Variants in RBFOX1 observed in about 807,000 individuals in gnomAD.
RBFOX1 encodes the protein RNA binding protein fox-1 homolog 1.
Under a neutral mutation model 57.7 loss-of-function variants are expected in RBFOX1, and 8 were observed. The observed-to-expected ratio is 0.14, with a 90% confidence interval of 0.08 to 0.25. The LOEUF (loss-of-function observed/expected upper bound fraction) is 0.25, where lower values mean the gene tolerates loss of function less well. RBFOX1 is among the 10% of genes least tolerant of loss of function. The pLI is 1.00. For synonymous variants in RBFOX1, 326 were observed against 222.4 expected (o/e 1.47, Z -4.15); for missense variants, 611 against 548.5 (o/e 1.11, Z -1.14).
At chr16:7,129,093 A>G (rs909172316) in intron 4 of RBFOX1, among the ~76,000 whole-genome samples, 1 of 152,110 alleles carries the variant, frequency 6.6e-6, no homozygotes, top group Non-Finnish European at 1.5e-5. Context: ...TGCTGGGATT[A>G]CAGGTGTGAG....
intron 10 of RBFOX1, among the ~76,000 whole-genome samples, chr16:7,617,749 G>C (rs1186348486): frequency 1.3e-5 from 2 of 152,154 alleles, no homozygotes; most frequent in African/African-American, 4.8e-5. Context: ...TTTCCCTCTA[G>C]AAGTCAACAG....
chr16:6,657,030 GTCCTCCCCTTTCCTCTCCTC>G (rs2098661920), intron 3 of RBFOX1, among the ~76,000 whole-genome samples: 52 of 21,930 alleles, frequency 2.4e-3, no homozygotes, highest in South Asian at 8.4e-3. Flanking sequence ...TTCCTCTCCT[GTCCTCCCCTTTCCTCTCCTC>G]TCCTCCCCTT....
chr16:7,533,955 C>G (rs1335663509), intron 5 of RBFOX1, among the ~76,000 whole-genome samples: 1 of 152,046 alleles, frequency 6.6e-6, no homozygotes, highest in East Asian at 1.9e-4. Context: ...GCGATGTTAC[C>G]TCATTTTAAA....
intron 4 of RBFOX1, among the ~76,000 whole-genome samples, chr16:5,885,912 C>T (rs981691842): frequency 1.1e-4 from 16 of 152,008 alleles, no homozygotes; most frequent in African/African-American, 3.6e-4. Context: ...TTGTAATCCT[C>T]GATGCTGGAG....
chr16:7,560,674 C>T (rs968117055), intron 5 of RBFOX1, among the ~76,000 whole-genome samples: 6 of 152,026 alleles, frequency 3.9e-5, no homozygotes, highest in African/African-American at 1.4e-4. Flanking sequence ...TCAGAAAGGG[C>T]GAGTGACTTT....
At chr16:7,667,292 A>C (rs2069668912) in intron 13 of RBFOX1, among the ~76,000 whole-genome samples, 1 of 152,234 alleles carries the variant, frequency 6.6e-6, no homozygotes, top group Admixed American at 6.5e-5. Flanking sequence ...GCCACTGCCC[A>C]GCTCAGCAGC....
At chr16:7,264,540 A>G (rs2095055314) in intron 4 of RBFOX1, among the ~76,000 whole-genome samples, 1 of 152,202 alleles carries the variant, frequency 6.6e-6, no homozygotes, top group Non-Finnish European at 1.5e-5. Flanking sequence ...TGCCACAAGT[A>G]TTGAAATCTG....
intron 5 of RBFOX1, among the ~76,000 whole-genome samples, chr16:7,558,521 CAT>C (rs752287222): frequency 2.0e-5 from 3 of 151,898 alleles, no homozygotes; most frequent in East Asian, 3.9e-4. Context: ...ACATATACAA[CAT>C]ATATTAATAT....
rs372470668 is a variant in RBFOX1 at position 5,707,781 on chromosome 16, A to G, written c.318+108820A>G. ...GATTAGGAAAACCTGTGTAAAGGACATGGTGGAATACTTGCTGCTAAGACA... is the reference window on the plus strand; with the variant it reads ...GATTAGGAAAACCTGTGTAAAGGACGTGGTGGAATACTTGCTGCTAAGACA... On this transcript the variant is annotated intron_variant, in intron 3 of 19. Coordinates refer to the RBFOX1 transcript ENST00000641259. Among the ~76,000 whole-genome samples the G allele has an allele frequency of 6.6e-5, 10 of 152,322 alleles. No homozygotes were observed. The South Asian group carries it at 1.0e-3, about 16-fold the overall frequency.
intron 2 of RBFOX1, among the ~76,000 whole-genome samples, chr16:6,569,918 A>G (rs558650762): frequency 6.6e-6 from 1 of 152,330 alleles, no homozygotes; most frequent in South Asian, 2.1e-4. Flanking sequence ...TAAGTACTGT[A>G]CAATTCACTT....
chr16:7,442,519 G>T (rs556626920), intron 4 of RBFOX1, among the ~76,000 whole-genome samples: 2 of 152,214 alleles, frequency 1.3e-5, no homozygotes, highest in South Asian at 4.2e-4. Flanking sequence ...AAATGAGGAG[G>T]CCGCAAACTG....
intron 3 of RBFOX1, among the ~76,000 whole-genome samples, chr16:6,782,243 G>A (rs1305452541): frequency 6.6e-6 from 1 of 152,078 alleles, no homozygotes; most frequent in Non-Finnish European, 1.5e-5. Flanking sequence ...TTGACCTCGT[G>A]GTCTGCCCAC....
chr16:5,483,666 C>T (rs1200822166), intron 2 of RBFOX1, among the ~76,000 whole-genome samples: 1 of 152,288 alleles, frequency 6.6e-6, no homozygotes, highest in East Asian at 1.9e-4. Flanking sequence ...CTGAAATTCG[C>T]CTTCTGATCT....
chr16:5,999,545 G>C (rs980486359), intron 4 of RBFOX1, among the ~76,000 whole-genome samples: 6 of 152,208 alleles, frequency 3.9e-5, no homozygotes, highest in African/African-American at 1.4e-4. Flanking sequence ...CAGCAAGAGT[G>C]AAGGAAGAAG....
chr16:6,897,615 A>G lies in RBFOX1; in HGVS notation c.-15-154442A>G, dbSNP rs543288992. Reference sequence around the variant, plus strand: ...TTGACCAGTCTGGCCAACATGGTGAAACCCCATCTCTATTAAAACAAAAAA... The same window carrying G: ...TTGACCAGTCTGGCCAACATGGTGAGACCCCATCTCTATTAAAACAAAAAA... On this transcript the variant is annotated intron_variant, in intron 3 of 15. Transcript: ENST00000550418. Among the ~76,000 whole-genome samples the G allele has an allele frequency of 1.1e-4, 17 of 152,226 alleles. No individual in the cohort carries two copies. The South Asian group carries it at 3.1e-3, about 28-fold the overall frequency.
intron 2 of RBFOX1, among the ~76,000 whole-genome samples, chr16:6,612,775 C>T (rs1005848455): frequency 6.7e-6 from 1 of 150,282 alleles, no homozygotes; most frequent in African/African-American, 2.5e-5. Flanking sequence ...TTACTTGAAC[C>T]TAGGAGGTGG....
intron 2 of RBFOX1, among the ~76,000 whole-genome samples, chr16:6,586,390 C>G (rs925975405): frequency 2.6e-5 from 4 of 152,184 alleles, no homozygotes; most frequent in African/African-American, 4.8e-5. Context: ...TAATCTATCT[C>G]CAGTGCGTCT....
intron 1 of RBFOX1, among the ~76,000 whole-genome samples, chr16:6,072,099 G>A (rs998176257): frequency 1.3e-5 from 2 of 152,170 alleles, no homozygotes; most frequent in Admixed American, 6.5e-5. Context: ...CATGGCTGAA[G>A]GTGAAGGAGG....
chr16:6,594,989 G>C lies in RBFOX1; in HGVS notation c.-63-59614G>C, dbSNP rs928734990. Among the ~76,000 whole-genome samples the C allele has an allele frequency of 2.0e-5, 3 of 152,160 alleles. No individual in the cohort carries two copies. In the East Asian group the frequency reaches 5.8e-4, roughly 30 times the overall value. ...TTTATAGCAGAGACAAGGTTTCACCGTGTTGGCCAGGCTGGTCTTGGTCTT... is the reference window on the plus strand; with the variant it reads ...TTTATAGCAGAGACAAGGTTTCACCCTGTTGGCCAGGCTGGTCTTGGTCTT... On this transcript the variant is annotated intron_variant, in intron 2 of 15. Coordinates refer to ENST00000550418, the MANE Select transcript of RBFOX1 (RefSeq NM_018723.4).
Sources: allele counts gnomAD v4.1 joint callset (sites outside exome capture counted in the v4.1 genomes callset), GRCh38; gene constraint gnomAD v4.1.1; transcripts MANE v1.5; gene names NCBI Gene and HGNC (gene_info 2026-07-23, HGNC 2026-07-21).